The following RBM28 variants were observed in gnomAD, a reference collection of about 807,000 sequenced individuals.
The protein encoded by RBM28 is RNA-binding protein 28.
In RBM28, 78 loss-of-function variants were observed where a neutral mutation model predicts 98.3. That is an observed-to-expected ratio of 0.79 (90% CI 0.66 to 0.96). RBM28 has a LOEUF of 0.96. Ranked by LOEUF, RBM28 falls within the 40% of genes least tolerant of loss-of-function variation. The probability of loss-of-function intolerance (pLI) is 0.00; values close to 1 mark genes in which losing one functional copy is unlikely to be tolerated. For missense variants in RBM28, 838 were observed against 913.0 expected (o/e 0.92, Z 1.06); for synonymous variants, 306 against 330.9 (o/e 0.92, Z 0.82).
chr7:128,319,152 G>C (rs373087373), intron 14 of RBM28, among the ~76,000 whole-genome samples: 1 of 152,124 alleles, frequency 6.6e-6, no homozygotes, highest in South Asian at 2.1e-4. Flanking sequence ...CTAAGTATTG[G>C]GGATGCATGG....
At chr7:128,313,388 A>G in intron 17 of RBM28, 114 bp from the exon 18 acceptor site, 1 of 1,031,862 alleles carries the variant, frequency 9.7e-7, no homozygotes, top group African/African-American at 1.6e-5. Context: ...CATTCTAAAA[A>G]GGGATACTGC....
intron 2 of RBM28, 136 bp downstream of exon 2, chr7:128,339,497 T>C (rs1028408505): frequency 3.2e-6 from 4 of 1,243,970 alleles, no homozygotes; most frequent in Admixed American, 1.9e-5. Context: ...CACAATACAC[T>C]GGATGATTTT....
Position 128,309,399 on chromosome 7 carries a change from G to A in RBM28, c.*1398C>T, listed in dbSNP as rs1353042109. On this transcript the variant is annotated 3_prime_UTR_variant, in exon 19 of 19. Coordinates refer to ENST00000223073, the MANE Select transcript of RBM28 (RefSeq NM_018077.3). ...TGTAATACCAGGACTTTGGGAGGTC[G>A]AGGTGGGCGGATCACCTGAGGTCAG... is the stretch of plus-strand genomic sequence containing the variant. The A allele has an allele frequency of 2.6e-5, 4 of 152,060 alleles. No individual in the cohort carries two copies. Among genetic ancestry groups the A allele is most frequent in the Non-Finnish European group, 4.4e-5 (3 of 68,060 alleles). The allele number at this position is 152,060 out of a possible 1,614,324, so 9.4% of individuals were successfully genotyped here.
chr7:128,337,594 T>C (rs946080255), intron 5 of RBM28, among the ~76,000 whole-genome samples: 7 of 146,020 alleles, frequency 4.8e-5, no homozygotes, highest in African/African-American at 1.8e-4. Context: ...AGTCTCGCTC[T>C]GTCGCCCAGG....
Position 128,339,686 on chromosome 7 carries a change from A to T in RBM28, c.224T>A (p.Val75Glu). The change falls in exon 2 of 19, where the codon GTG (valine) becomes GAG (glutamate). Residue 75 changes from valine to glutamate, a missense_variant. By Grantham distance (121) the Val-to-Glu change is moderately radical (BLOSUM62 -2). Transcript: ENST00000223073. ...CCTCAGTTTTTTCTTGGCAACAGTCACGTTGATCTTGCAACCTTCAAAGGT... is the reference window on the plus strand; with the variant it reads ...CCTCAGTTTTTTCTTGGCAACAGTCTCGTTGATCTTGCAACCTTCAAAGGT... ...ITTFEGCKIN[V>E]TVAKKKLRNK... 6.2e-7 allele frequency: 1 copy of T among 1,613,998 alleles called. No individual in the cohort carries two copies. The highest frequency in any genetic ancestry group is 8.5e-7 in the Non-Finnish European group (1 of 1,179,964).
intron 16 of RBM28, among the ~76,000 whole-genome samples, chr7:128,316,991 A>G (rs1796119317): frequency 6.6e-6 from 1 of 152,206 alleles, no homozygotes. Context: ...AGTCAAGAAT[A>G]ATCTGGCCCT....
intron 9 of RBM28, 121 bp from the exon 10 acceptor site, chr7:128,331,049 A>G: frequency 8.2e-6 from 6 of 733,304 alleles, no homozygotes; most frequent in Non-Finnish European, 1.5e-5. Context: ...GCACTAATAC[A>G]TAGGGATGGC....
chr7:128,329,388 C>T (rs1472922845), intron 10 of RBM28, among the ~76,000 whole-genome samples: 5 of 152,162 alleles, frequency 3.3e-5, no homozygotes, highest in South Asian at 4.1e-4. Context: ...CGTGAGCCAC[C>T]GCTCCCGGCC....
At chr7:128,341,189 C>T in intron 1 of RBM28, 1 of 1,289,420 alleles carries the variant, frequency 7.8e-7, no homozygotes, top group African/African-American at 1.5e-5. Context: ...AGGGTATAAG[C>T]CCTTTGACAC....
At chr7:128,338,621 T>C (rs893582719) in intron 4 of RBM28, 105 bp downstream of exon 4, 1 of 881,996 alleles carries the variant, frequency 1.1e-6, no homozygotes, top group Non-Finnish European at 1.9e-6. Flanking sequence ...GGGTTTTCAT[T>C]AGATGTGAAG....
Position 128,323,136 on chromosome 7 carries a change from T to G in RBM28, c.1404+391A>C, listed in dbSNP as rs548912863. On this transcript the variant is annotated intron_variant, in intron 13 of 18. Coordinates refer to ENST00000223073, the MANE Select transcript of RBM28 (RefSeq NM_018077.3). ...AGCTACCCCTTTCAAGAGCCATATC[T>G]TCTCCCTTCTCTAATAACTCCAGCT... Among the ~76,000 whole-genome samples, 3 of 152,316 alleles carry G rather than the reference T, an allele frequency of 2.0e-5. No individual in the cohort carries two copies. The East Asian group carries it at 5.8e-4, about 29-fold the overall frequency.
intron 13 of RBM28, among the ~76,000 whole-genome samples, chr7:128,322,911 GTTCAC>G (rs1412891719): frequency 2.0e-5 from 3 of 152,022 alleles, no homozygotes; most frequent in African/African-American, 7.3e-5. Flanking sequence ...AGCTAATTCT[GTTCAC>G]AGTTATGCAT....
intron 5 of RBM28, 26 bp from the exon 6 acceptor site, chr7:128,337,228 A>G (rs766896946): frequency 6.2e-7 from 1 of 1,613,476 alleles, no homozygotes; most frequent in Non-Finnish European, 8.5e-7. Context: ...GTGGCATCAG[A>G]AAGGCTCTCC....
chr7:128,314,634 T>A (rs972650055), intron 17 of RBM28, 130 bp downstream of exon 17: 2 of 1,456,922 alleles, frequency 1.4e-6, no homozygotes, highest in Non-Finnish European at 1.9e-6. Context: ...GTTAACCCCA[T>A]GTGTGGGAAT....
intron 8 of RBM28, among the ~76,000 whole-genome samples, chr7:128,333,971 G>A (rs1437503292): frequency 6.6e-6 from 1 of 152,106 alleles, no homozygotes; most frequent in Non-Finnish European, 1.5e-5. Context: ...AAACTTTGAG[G>A]AAAAAACATA....
chr7:128,335,601 A>G lies in RBM28; in HGVS notation c.888T>C (p.Ile296=). Residue 296 remains isoleucine, a synonymous_variant, in exon 8 of 19, where the codon ATT becomes ATC. Transcript: ENST00000223073. ...TCTGAGCCAGTTCCTCTCCATCATC[A>G]ATACTATCGCTTTCCTCTAGGTCAC... ...EDSDLEESDS[I]DDGEELAQSD... 2 of 1,614,146 alleles carry G rather than the reference A, an allele frequency of 1.2e-6. No individual in the cohort carries two copies. The highest frequency in any genetic ancestry group is 1.7e-6 in the Non-Finnish European group (2 of 1,180,014).
chr7:128,333,718 C>CA (rs1251905320), intron 8 of RBM28, among the ~76,000 whole-genome samples: 12 of 150,794 alleles, frequency 8.0e-5, no homozygotes, highest in Admixed American at 6.6e-4. Flanking sequence ...AACAAAGTCT[C>CA]AAAAAAAATA....
chr7:128,317,830 C>CT (rs1484170118), intron 15 of RBM28, 97 bp from the exon 16 acceptor site: 101 of 1,506,196 alleles, frequency 6.7e-5, no homozygotes, highest in Middle Eastern at 1.7e-4. Context: ...CCCAACCCAC[C>CT]TTTTTTTTGT....
chr7:128,317,822 C>T (rs1249135388), intron 15 of RBM28, 89 bp from the exon 16 acceptor site: 1 of 1,507,210 alleles, frequency 6.6e-7, no homozygotes, highest in African/African-American at 1.4e-5. Context: ...CATCCTCCCC[C>T]AACCCACCTT....
Sources: gnomAD v4.1 joint callset for allele counts (sites outside exome capture counted in the v4.1 genomes callset) on GRCh38, gnomAD v4.1.1 for gene constraint, MANE v1.5 for transcripts, NCBI Gene and HGNC (gene_info 2026-07-23, HGNC 2026-07-21) for gene names.